SLCO4A1: variants seen among roughly 807,000 people sequenced by gnomAD.
SLCO4A1 encodes colon organic anion transporter.
In SLCO4A1, 51 loss-of-function variants were observed where a neutral mutation model predicts 64.6. The observed-to-expected ratio is 0.79, with a 90% CI of 0.63 to 1.00. SLCO4A1 has a LOEUF of 1.00. SLCO4A1 is among the 50% of genes least tolerant of loss of function. The pLI is 0.00. For synonymous variants in SLCO4A1, 471 were observed against 444.9 expected (o/e 1.06, Z -0.74); for missense variants, 919 against 980.5 (o/e 0.94, Z 0.84).
chr20:62,650,985 G>A (rs80200304), intron 1 of SLCO4A1, among the ~76,000 whole-genome samples: 3,735 of 152,288 alleles, frequency 0.025, 144 homozygotes, highest in African/African-American at 0.081. Flanking sequence ...TGCTTAGGAC[G>A]TATCCATGTG....
intron 6 of SLCO4A1, 134 bp downstream of exon 6, chr20:62,665,222 A>G: frequency 1.0e-6 from 1 of 970,954 alleles, no homozygotes; most frequent in Non-Finnish European, 1.5e-6. Context: ...CTGCCAGAGC[A>G]GGTGTGGAGA....
intron 7 of SLCO4A1, chr20:62,667,455 G>T: frequency 2.3e-6 from 1 of 437,382 alleles, no homozygotes; most frequent in Non-Finnish European, 4.1e-6. Flanking sequence ...CCATATGAAT[G>T]TGTTGCCTGT....
chr20:62,656,450 C>A lies in SLCO4A1; in HGVS notation c.-5C>A, dbSNP rs372047921. Reference sequence around the variant, plus strand: ...GCCTCGAGGTCACCAGGCGGAGGCGCGGAGATGCCCCTGCATCAGCTGGGG... The same window carrying A: ...GCCTCGAGGTCACCAGGCGGAGGCGAGGAGATGCCCCTGCATCAGCTGGGG... On this transcript the variant is annotated 5_prime_UTR_variant, in exon 2 of 12. Coordinates refer to ENST00000217159, the MANE Select transcript of SLCO4A1 (RefSeq NM_016354.4). 105 of 1,469,384 alleles carry A rather than the reference C, an allele frequency of 7.1e-5. No individual in the cohort carries two copies. The highest frequency in any genetic ancestry group is 2.1e-4 in the Admixed American group (9 of 42,582). The allele number at this position is 1,469,384 out of a possible 1,614,324, so 91.0% of individuals were successfully genotyped here.
At chr20:62,680,480 G>C (rs938893841) in intron 2 of SLCO4A1, among the ~76,000 whole-genome samples, 1 of 152,096 alleles carries the variant, frequency 6.6e-6, no homozygotes. Flanking sequence ...GCCTCTCAAT[G>C]TGAAGTGTGA....
At position 62,671,853 on chromosome 20, in the gene SLCO4A1, C is replaced by T. The variant is rs1283550421; in HGVS notation, c.2129C>T (p.Pro710Leu). The T allele has an allele frequency of 2.5e-6, 4 of 1,613,294 alleles. No homozygotes were observed. The highest frequency in any genetic ancestry group is 2.2e-5 in the South Asian group (2 of 91,092). ...ETCLPSQSSA[P>L]DSATDSQLQS... ...TGTCTGCCCAGCCAGTCCTCAGCCC[C>T]TGACAGTGCCACAGATAGCCAGCTC... The change falls in exon 12 of 12, where the codon CCT (proline) becomes CTT (leucine). Residue 710 changes from proline to leucine, a missense_variant. Pro to Leu is a moderately conservative substitution (Grantham distance 98). Coordinates refer to ENST00000217159, the MANE Select transcript of SLCO4A1 (RefSeq NM_016354.4).
rs1002346655 is a variant in SLCO4A1, at chr20:62,685,679, G to A, written n.450G>A. On this transcript the variant is annotated non_coding_transcript_exon_variant, in exon 3 of 3. Transcript: ENST00000466818. This position sits in a 1 kb window ranked among gnomAD's most constrained non-coding sequence, Gnocchi z 4.6. ...ACGAAACAACGGAAGTGGAGGGGGT[G>A]GATTCTCTACCTGGGAAACCCAGCA... 6.5e-6 allele frequency: 1 copy of A among 153,406 alleles called. No homozygotes were observed. Among genetic ancestry groups the A allele is most frequent in the Admixed American group, 6.5e-5 (1 of 15,282 alleles). 9.5% of individuals were successfully genotyped at this position (153,406 alleles called of 1,614,324 possible).
Position 62,678,307 on chromosome 20 carries a change from G to T in SLCO4A1, n.212-7134G>T, listed in dbSNP as rs139631036. Among the ~76,000 whole-genome samples the T allele has an allele frequency of 2.7e-3, 405 of 152,304 alleles. 1 individual carries two copies. Among genetic ancestry groups the T allele is most frequent in the Non-Finnish European group, 4.3e-3 (293 of 68,026 alleles). On this transcript the variant is annotated intron_variant and non_coding_transcript_variant, in intron 2 of 2. Coordinates refer to the SLCO4A1 transcript ENST00000466818. ...AGTCAGGACTTAACAGAATTTAAAAGAAAGCTGTTGACAATGCCAAGTGCT... is the reference window on the plus strand; with the variant it reads ...AGTCAGGACTTAACAGAATTTAAAATAAAGCTGTTGACAATGCCAAGTGCT...
chr20:62,645,459 T>C lies in SLCO4A1; in HGVS notation c.-97+2906T>C, dbSNP rs1981137483. The stretch of plus-strand genomic sequence containing the variant: ...GCTACGGTGAGGGTGAGGGTGCGGG[T>C]GAGGATGAGGGTGCGGGTGAGGACC... On this transcript the variant is annotated intron_variant, in intron 1 of 11. Coordinates refer to ENST00000217159, the MANE Select transcript of SLCO4A1 (RefSeq NM_016354.4). This position sits in a 1 kb window ranked among gnomAD's most constrained non-coding sequence, Gnocchi z 4.2. 6.9e-6 allele frequency among the ~76,000 whole-genome samples: 1 copy of C among 145,402 alleles called. No homozygotes were observed. The highest frequency in any genetic ancestry group is 1.5e-5 in the Non-Finnish European group (1 of 66,112).
chr20:62,687,218 G>GAT (rs1555921744), downstream of SLCO4A1, among the ~76,000 whole-genome samples: 27 of 140,818 alleles, frequency 1.9e-4, no homozygotes, highest in African/African-American at 5.4e-4. Flanking sequence ...AAACAGGAGC[G>GAT]GGGGCCTCTG....
At chr20:62,671,594 A>G (rs981785377) in intron 11 of SLCO4A1, among the ~76,000 whole-genome samples, 156 bp from the exon 12 acceptor site, 7 of 152,176 alleles carry the variant, frequency 4.6e-5, no homozygotes, top group Non-Finnish European at 8.8e-5. Context: ...CAAACCGGTT[A>G]TATGGGAAAG....
chr20:62,655,948 G>C (rs532260335), intron 1 of SLCO4A1, among the ~76,000 whole-genome samples: 1 of 152,294 alleles, frequency 6.6e-6, no homozygotes, highest in East Asian at 1.9e-4. Context: ...CACAGCGAGC[G>C]GGGCCAGGGC....
At chr20:62,656,314 C>T in intron 1 of SLCO4A1, 45 bp from the exon 2 acceptor site, 1 of 694,506 alleles carries the variant, frequency 1.4e-6, no homozygotes, top group Non-Finnish European at 2.4e-6. Context: ...ATGTGCTGTA[C>T]CCGTGGAGAG....
At chr20:62,678,392 G>A (rs971098299) in intron 2 of SLCO4A1, among the ~76,000 whole-genome samples, 12 of 152,080 alleles carry the variant, frequency 7.9e-5, no homozygotes, top group Admixed American at 6.6e-5. Context: ...AGAGCAATAC[G>A]GCCGCTCGGG....
intron 6 of SLCO4A1, chr20:62,666,085 T>TCTC (rs1198668503): frequency 9.0e-6 from 1 of 110,722 alleles, no homozygotes; most frequent in Non-Finnish European, 2.0e-5. Flanking sequence ...CACTCTGGGC[T>TCTC]CTCCTCCTCC....
Position 62,664,961 on chromosome 20 carries a change from C to G in SLCO4A1, c.1149C>G (p.Pro383=). ...CCATCTGGCTCCTGCTGAAGAACCC[C>G]ACGTTCATCCTGCTCTGCCTGGCCG... ...PLSIWLLLKN[P]TFILLCLAGA... Residue 383 remains proline (P), a synonymous_variant, in exon 6 of 12, where the codon CCC becomes CCG. Transcript: ENST00000217159. The G allele has an allele frequency of 6.2e-7, 1 of 1,612,332 alleles. No individual in the cohort carries two copies. Among genetic ancestry groups the G allele is most frequent in the Non-Finnish European group, 8.5e-7 (1 of 1,179,116 alleles).
intron 1 of SLCO4A1, among the ~76,000 whole-genome samples, chr20:62,654,108 T>TC (rs918143477): frequency 1.5e-4 from 23 of 152,214 alleles, no homozygotes; most frequent in African/African-American, 5.1e-4. Flanking sequence ...CAGGCTGTGC[T>TC]CCCCCTGGGG....
downstream of SLCO4A1, among the ~76,000 whole-genome samples, chr20:62,674,188 C>T (rs1987477823): frequency 6.6e-6 from 1 of 152,208 alleles, no homozygotes; most frequent in Non-Finnish European, 1.5e-5. Context: ...CAGGAACCAG[C>T]CGTGCTCCCA....
At chr20:62,666,123 CCCTTCCCCTT>C (rs1986259883) in intron 6 of SLCO4A1, 1 of 118,832 alleles carries the variant, frequency 8.4e-6, no homozygotes, top group Non-Finnish European at 1.8e-5. Flanking sequence ...CCCCCGCTCC[CCCTTCCCCTT>C]CCCCTTCCCC....
At chr20:62,647,602 A>G (rs913215277) in intron 1 of SLCO4A1, among the ~76,000 whole-genome samples, 2 of 152,240 alleles carry the variant, frequency 1.3e-5, no homozygotes, top group Non-Finnish European at 2.9e-5. Context: ...AGGGGCTGGC[A>G]AGCTTAAAAT....
Sources: gnomAD v4.1 joint callset for allele counts (sites outside exome capture counted in the v4.1 genomes callset) on GRCh38, gnomAD v4.1.1 for gene constraint, Gnocchi (gnomAD v3.1) non-coding constraint, MANE v1.5 for transcripts, NCBI Gene and HGNC (gene_info 2026-07-23, HGNC 2026-07-21) for gene names.